The following ITGA7 variants were observed in gnomAD, a reference collection of about 807,000 sequenced individuals.
The protein encoded by ITGA7 is integrin alpha-7.
In ITGA7, 84 loss-of-function variants were observed where a neutral mutation model predicts 131.6. The ratio of observed to expected loss-of-function variants is 0.64; its 90% CI spans 0.54 to 0.77. The LOEUF is 0.77. Ranked by LOEUF, ITGA7 falls within the 30% of genes least tolerant of loss-of-function variation. ITGA7 has a pLI of 0.00. For synonymous variants in ITGA7, 548 were observed against 600.7 expected, an observed-to-expected ratio of 0.91 and a Z score of 1.28; for missense variants, 1,399 against 1,482.9, an observed-to-expected ratio of 0.94 and a Z score of 0.93.
intron 6 of ITGA7, 29 bp from the exon 7 acceptor site, chr12:55,698,605 G>C (rs1873194674): frequency 1.2e-6 from 2 of 1,613,698 alleles, no homozygotes; most frequent in Admixed American, 3.3e-5. Context: ...ATTCAGTGTG[G>C]GTCCTCCCTG....
intron 5 of ITGA7, 130 bp downstream of exon 5, chr12:55,699,740 C>CCCAAATTGCAGAGAAGAGCTGGGT: frequency 8.1e-7 from 1 of 1,227,732 alleles, no homozygotes; most frequent in Non-Finnish European, 1.2e-6. Flanking sequence ...GCAATTTGGG[C>CCCAAATTGCAGAGAAGAGCTGGGT]CCAATGTATG....
chr12:55,704,956 G>C (rs772031124), intron 1 of ITGA7, among the ~76,000 whole-genome samples: 1 of 152,166 alleles, frequency 6.6e-6, no homozygotes, highest in African/African-American at 2.4e-5. Flanking sequence ...TCTGAGTGTC[G>C]GGGCTGTCTT....
Position 55,696,926 on chromosome 12 carries a change from G to C in ITGA7, c.1710C>G (p.Val570=), listed in dbSNP as rs1271639727. Residue 570 remains valine, a synonymous_variant, in exon 12 of 25, where the codon GTC becomes GTG. Transcript: ENST00000257879. ...GGAGCTGGAACATGGCGTCTCCACAGACTCGGTCATGCTGGTGCTTCAGCC... is the reference window on the plus strand; with the variant it reads ...GGAGCTGGAACATGGCGTCTCCACACACTCGGTCATGCTGGTGCTTCAGCC... ...TVWLKHQHDR[V]CGDAMFQLQE... 1.2e-6 allele frequency: 2 copies of C among 1,614,106 alleles called. No homozygotes were observed. The highest frequency in any genetic ancestry group is 8.5e-7 in the Non-Finnish European group (1 of 1,180,056).
intron 6 of ITGA7, 49 bp downstream of exon 6, chr12:55,698,661 G>A: frequency 2.5e-6 from 4 of 1,608,640 alleles, no homozygotes; most frequent in South Asian, 1.1e-5. Flanking sequence ...CCAGACTGGG[G>A]CTACTAGACC....
At chr12:55,686,772 C>T (rs1423682320) in intron 24 of ITGA7, among the ~76,000 whole-genome samples, 1 of 152,226 alleles carries the variant, frequency 6.6e-6, no homozygotes, top group Non-Finnish European at 1.5e-5. Flanking sequence ...AAGAATGCTT[C>T]CATGCAGAGC....
Position 55,703,081 on chromosome 12 carries a change from CA to C in ITGA7, c.303del (p.Asp102ThrfsTer58). 6.2e-7 allele frequency: 1 copy of C among 1,614,112 alleles called. No homozygotes were observed. Among genetic ancestry groups the C allele is most frequent in the Non-Finnish European group, 8.5e-7 (1 of 1,180,042 alleles). On this transcript the variant is annotated frameshift_variant, in exon 2 of 25. Coordinates refer to ENST00000257879, the MANE Select transcript of ITGA7 (RefSeq NM_002206.3). LOFTEE classifies it high-confidence loss of function. ...LFACPLSLEE[T>X]DCYRVDIDQG... is the part of the protein sequence containing the mutation. ...TGGTCGATGTCCACTCTGTAGCAGT[CA>C]GTCTCCTCCAGGCTCAACGGGCAAG...
chr12:55,694,584 C>T lies in ITGA7; in HGVS notation c.2277+31G>A, dbSNP rs777500872. 4 of 1,613,370 alleles carry T rather than the reference C, an allele frequency of 2.5e-6. No homozygotes were observed. The highest frequency in any genetic ancestry group is 3.4e-6 in the Non-Finnish European group (4 of 1,179,338). On this transcript the variant is annotated intron_variant, in intron 16 of 24. Coordinates refer to ENST00000257879, the MANE Select transcript of ITGA7 (RefSeq NM_002206.3). The surrounding 1 kb of genome is among the most constrained non-coding windows in gnomAD (Gnocchi z 5.3). ...GGTCTACGGGCTTATGGAGAGGCTA[C>T]TCACGTAGGGATAAGGGCAGATGTG...
At chr12:55,686,800 T>C (rs1203957352) in intron 24 of ITGA7, among the ~76,000 whole-genome samples, 1 of 152,270 alleles carries the variant, frequency 6.6e-6, no homozygotes, top group African/African-American at 2.4e-5. Context: ...GTGGAAGCTC[T>C]GAGTTCCGCC....
intron 24 of ITGA7, among the ~76,000 whole-genome samples, chr12:55,685,925 C>A (rs996675611): frequency 1.3e-5 from 2 of 152,206 alleles, no homozygotes; most frequent in African/African-American, 4.8e-5. Flanking sequence ...CATCTCCTTG[C>A]ACACTCATGC....
intron 4 of ITGA7, 85 bp downstream of exon 4, chr12:55,700,814 G>C: frequency 6.4e-7 from 1 of 1,550,846 alleles, no homozygotes; most frequent in Non-Finnish European, 8.9e-7. Flanking sequence ...ATGTGGTCAT[G>C]CTTGGCCATG....
rs202232329 is a variant in ITGA7 at position 55,696,444 on chromosome 12, A to T, written c.1738-12T>A. The T allele has an allele frequency of 2.0e-5, 32 of 1,591,880 alleles. No homozygotes were observed. Among genetic ancestry groups the T allele is most frequent in the Non-Finnish European group, 2.7e-5 (32 of 1,167,222 alleles). On this transcript the variant is annotated splice_polypyrimidine_tract_variant and intron_variant, in intron 12 of 24. Coordinates refer to ENST00000257879, the MANE Select transcript of ITGA7 (RefSeq NM_002206.3). ...TCTTTGACATTTTCCTAGGAAGAGGAAGGTCTATTCCTCACTGGAACAATC... is the reference window on the plus strand; with the variant it reads ...TCTTTGACATTTTCCTAGGAAGAGGTAGGTCTATTCCTCACTGGAACAATC...
upstream of ITGA7, chr12:55,712,083 T>G: frequency 1.3e-6 from 2 of 1,551,528 alleles, no homozygotes; most frequent in Non-Finnish European, 1.7e-6. Flanking sequence ...CTGGAATCCT[T>G]CTGCCTGCCT....
intron 21 of ITGA7, among the ~76,000 whole-genome samples, chr12:55,689,675 T>G (rs1000334552): frequency 1.3e-5 from 2 of 152,234 alleles, no homozygotes; most frequent in Admixed American, 1.3e-4. Flanking sequence ...ATTTTGCCAC[T>G]TTTGAGCCAT....
In ITGA7 at chr12:55,707,893, T is replaced by C; in HGVS notation, c.-211A>G. The C allele has an allele frequency of 1.4e-6, 2 of 1,396,238 alleles. No individual in the cohort carries two copies. The highest frequency in any genetic ancestry group is 2.7e-5 in the East Asian group (1 of 36,558). 86.5% of individuals were successfully genotyped at this position (1,396,238 alleles called of 1,614,324 possible). ...CTAGGACAACTACAGCAGCCGCAGC[T>C]CCGGCGCCCACTCCGGCTCCCGCCT... On this transcript the variant is annotated 5_prime_UTR_variant, in exon 1 of 25. Coordinates refer to ENST00000257879, the MANE Select transcript of ITGA7 (RefSeq NM_002206.3).
intron 22 of ITGA7, 108 bp downstream of exon 22, chr12:55,688,736 A>AAT: frequency 1.5e-6 from 1 of 660,942 alleles, no homozygotes; most frequent in Non-Finnish European, 2.5e-6. Context: ...AAAAAAAAAA[A>AAT]GGGGGGGGAT....
chr12:55,691,453 G>A (rs1871399281), intron 21 of ITGA7, among the ~76,000 whole-genome samples: 2 of 152,120 alleles, frequency 1.3e-5, no homozygotes, highest in African/African-American at 2.4e-5. Context: ...TTGTATTCCT[G>A]AGAATCACTA....
chr12:55,698,970 G>C, intron 5 of ITGA7, 53 bp from the exon 6 acceptor site: 2 of 1,515,694 alleles, frequency 1.3e-6, no homozygotes, highest in Non-Finnish European at 1.8e-6. Flanking sequence ...TCAGAAGCTG[G>C]GGTGTGTCAC....
intron 1 of ITGA7, among the ~76,000 whole-genome samples, chr12:55,706,566 C>T (rs1325088540): frequency 1.3e-5 from 2 of 152,140 alleles, no homozygotes; most frequent in East Asian, 3.8e-4. Flanking sequence ...TCACCTCTGG[C>T]CTCCCTTTTT....
chr12:55,709,011 T>C (rs764384960), upstream of ITGA7, among the ~76,000 whole-genome samples: 1 of 152,204 alleles, frequency 6.6e-6, no homozygotes, highest in Non-Finnish European at 1.5e-5. Flanking sequence ...TAATTTGGCA[T>C]AATGGGAACC....
Sources: gnomAD v4.1 joint callset for allele counts (sites outside exome capture counted in the v4.1 genomes callset) on GRCh38, gnomAD v4.1.1 for gene constraint, Gnocchi (gnomAD v3.1) non-coding constraint, MANE v1.5 for transcripts, NCBI Gene and HGNC (gene_info 2026-07-23, HGNC 2026-07-21) for gene names.